The following KLHL1 variants were observed in gnomAD, a reference collection of about 807,000 sequenced individuals.
The protein encoded by KLHL1 is kelch like family member 1, also known as kelch-like protein 1.
KLHL1 carries 47 observed loss-of-function variants against 77.7 expected under a neutral mutation model. The ratio of observed to expected loss-of-function variants is 0.60; its 90% CI spans 0.48 to 0.77. KLHL1 has a LOEUF of 0.77. Ranked by LOEUF, KLHL1 falls within the 30% of genes least tolerant of loss-of-function variation. KLHL1 has a pLI of 0.00. For missense variants in KLHL1, 925 were observed against 910.8 expected, an observed-to-expected ratio of 1.02 and a Z score of -0.20; for synonymous variants, 360 against 325.2, an observed-to-expected ratio of 1.11 and a Z score of -1.15.
intron 2 of KLHL1, among the ~76,000 whole-genome samples, chr13:69,973,945 T>A (rs1884468474): frequency 1.3e-5 from 2 of 151,966 alleles, no homozygotes; most frequent in Admixed American, 1.3e-4. Context: ...CTAACTAGGC[T>A]CTTGCCCCGC....
intron 2 of KLHL1, among the ~76,000 whole-genome samples, chr13:69,968,111 CT>C (rs1346908156): frequency 6.6e-6 from 1 of 151,672 alleles, no homozygotes; most frequent in Non-Finnish European, 1.5e-5. Flanking sequence ...GCCACAGATA[CT>C]CCAGCCTTCT....
chr13:69,848,377 C>A (rs1333152635), intron 5 of KLHL1, among the ~76,000 whole-genome samples: 2 of 151,450 alleles, frequency 1.3e-5, no homozygotes, highest in Admixed American at 1.3e-4. Context: ...TATCAGCCTG[C>A]AGCCTGAAAG....
intron 1 of KLHL1, among the ~76,000 whole-genome samples, chr13:69,981,063 A>G (rs865947238): frequency 6.6e-6 from 1 of 152,176 alleles, no homozygotes; most frequent in East Asian, 1.9e-4. Flanking sequence ...TGGCACACAG[A>G]TTTAGTAAAT....
At chr13:70,079,717 C>A (rs1887349411) in intron 1 of KLHL1, among the ~76,000 whole-genome samples, 1 of 152,044 alleles carries the variant, frequency 6.6e-6, no homozygotes, top group Non-Finnish European at 1.5e-5. Flanking sequence ...TTTAAAACAA[C>A]CCAGTGAACT....
At chr13:69,847,119 T>C (rs2911510) in intron 5 of KLHL1, among the ~76,000 whole-genome samples, 150,224 of 151,380 alleles carry the variant, frequency 0.99, 74,543 homozygotes, top group East Asian at 1. Context: ...TGCTGCTTGA[T>C]ATTGTAAATA....
intron 1 of KLHL1, among the ~76,000 whole-genome samples, chr13:69,985,122 A>G (rs1054353149): frequency 2.8e-5 from 4 of 144,674 alleles, no homozygotes; most frequent in African/African-American, 1.2e-4. Context: ...AAAACAGACA[A>G]ACAAGCAAAC....
chr13:69,824,377 T>C (rs1333120811), intron 6 of KLHL1, among the ~76,000 whole-genome samples: 1 of 152,094 alleles, frequency 6.6e-6, no homozygotes, highest in African/African-American at 2.4e-5. Context: ...AGTAAGATGA[T>C]ATTTTCTCTG....
At chr13:69,955,719 ATATAT>A (rs1883845406) in intron 3 of KLHL1, among the ~76,000 whole-genome samples, 1 of 150,508 alleles carries the variant, frequency 6.6e-6, no homozygotes, top group Non-Finnish European at 1.5e-5. Flanking sequence ...TCCTTTCCAA[ATATAT>A]TATAGTTTTT....
intron 1 of KLHL1, among the ~76,000 whole-genome samples, chr13:70,023,821 T>C (rs1461752846): frequency 2.6e-5 from 4 of 151,914 alleles, no homozygotes; most frequent in Non-Finnish European, 4.4e-5. Context: ...TTTAAAAACT[T>C]AACATTTTTG....
At chr13:70,056,659 G>A (rs1886751831) in intron 1 of KLHL1, among the ~76,000 whole-genome samples, 1 of 151,928 alleles carries the variant, frequency 6.6e-6, no homozygotes, top group African/African-American at 2.4e-5. Flanking sequence ...TAAGAAATAA[G>A]TAACAAGAGG....
intron 9 of KLHL1, among the ~76,000 whole-genome samples, chr13:69,710,976 G>A (rs1299015515): frequency 6.6e-6 from 1 of 151,850 alleles, no homozygotes; most frequent in Non-Finnish European, 1.5e-5. Flanking sequence ...AGTATATAGC[G>A]GTTAAAATTA....
chr13:69,974,289 G>A (rs1884479970), intron 2 of KLHL1, among the ~76,000 whole-genome samples: 1 of 150,620 alleles, frequency 6.6e-6, no homozygotes, highest in African/African-American at 2.4e-5. Flanking sequence ...TATATGTTCA[G>A]AATAATACAT....
intron 6 of KLHL1, among the ~76,000 whole-genome samples, chr13:69,815,339 G>T (rs990889628): frequency 6.6e-6 from 1 of 152,208 alleles, no homozygotes; most frequent in Non-Finnish European, 1.5e-5. Flanking sequence ...TAAAGAAAAT[G>T]TGGTACATAT....
chr13:69,821,666 A>G (rs767023737), intron 6 of KLHL1, among the ~76,000 whole-genome samples: 1 of 152,044 alleles, frequency 6.6e-6, no homozygotes, highest in Non-Finnish European at 1.5e-5. Context: ...AATTAATTAC[A>G]TTTTCAGATA....
intron 3 of KLHL1, among the ~76,000 whole-genome samples, chr13:69,944,479 C>T (rs1883456886): frequency 6.6e-6 from 1 of 152,160 alleles, no homozygotes. Flanking sequence ...AAACTACATG[C>T]TGAGTCTTGT....
chr13:69,738,003 T>C (rs1873833770), intron 8 of KLHL1, among the ~76,000 whole-genome samples: 1 of 152,144 alleles, frequency 6.6e-6, no homozygotes, highest in East Asian at 1.9e-4. Flanking sequence ...ATCAGGTTGG[T>C]GCCCCTCTGA....
chr13:70,040,674 T>C (rs990915326), intron 1 of KLHL1, among the ~76,000 whole-genome samples: 1 of 152,224 alleles, frequency 6.6e-6, no homozygotes, highest in Non-Finnish European at 1.5e-5. Context: ...TTCATTATAA[T>C]GTGCCACAAT....
In KLHL1 at chr13:69,936,685, C is replaced by CAATGTTCT. The variant is rs571428316; in HGVS notation, c.1014+3347_1014+3354dup. ...TTTTTAATTAAGAAAATAAAACACT[C>CAATGTTCT]AATGTTCTAAGTTTAAAAGATATGA... is the stretch of plus-strand genomic sequence containing the variant. On this transcript the variant is annotated intron_variant, in intron 4 of 10. Coordinates refer to ENST00000377844, the MANE Select transcript of KLHL1 (RefSeq NM_020866.3). Among the ~76,000 whole-genome samples, 13 of 150,782 alleles carry CAATGTTCT rather than the reference C, an allele frequency of 8.6e-5. No individual in the cohort carries two copies. In the East Asian group the frequency reaches 2.5e-3, roughly 29 times the overall value.
chr13:69,961,459 G>A lies in KLHL1; in HGVS notation c.681-15C>T. On this transcript the variant is annotated splice_polypyrimidine_tract_variant and intron_variant, in intron 2 of 10. Transcript: ENST00000377844. ...TCAGAACAAGCCTGAAAGAGTCACA[G>A]GTTCTAATTTAGGTCGTGAATGTAA... The A allele has an allele frequency of 3.7e-6, 6 of 1,612,108 alleles. No individual in the cohort carries two copies. The highest frequency in any genetic ancestry group is 5.1e-6 in the Non-Finnish European group (6 of 1,178,914).
Sources: gnomAD v4.1 joint callset for allele counts (sites outside exome capture counted in the v4.1 genomes callset) on GRCh38, gnomAD v4.1.1 for gene constraint, MANE v1.5 for transcripts, NCBI Gene and HGNC (gene_info 2026-07-23, HGNC 2026-07-21) for gene names.